The following SCN11A variants were observed in gnomAD, a reference collection of about 807,000 sequenced individuals.
SCN11A encodes the protein sodium voltage-gated channel alpha subunit 11.
Under a neutral mutation model 162.2 loss-of-function variants are expected in SCN11A, and 122 were observed. That is an observed-to-expected ratio of 0.75 (90% CI 0.65 to 0.87). The LOEUF (loss-of-function observed/expected upper bound fraction) is 0.87. SCN11A is among the 40% of genes least tolerant of loss of function. The pLI is 0.00. For synonymous variants in SCN11A, 758 were observed against 751.5 expected (o/e 1.01, Z -0.14); for missense variants, 2,015 against 2,181.6 (o/e 0.92, Z 1.52).
intron 2 of SCN11A, among the ~76,000 whole-genome samples, chr3:39,005,446 C>T (rs1458188288): frequency 6.6e-6 from 1 of 152,236 alleles, no homozygotes. Flanking sequence ...CAGGGACCAA[C>T]CTCTTTCCTT....
At chr3:38,993,429 T>A (rs2030516321) in intron 2 of SCN11A, among the ~76,000 whole-genome samples, 1 of 152,216 alleles carries the variant, frequency 6.6e-6, no homozygotes. Flanking sequence ...CTCAGAGTTA[T>A]GCTAGCCTTG....
At chr3:38,876,002 TA>T (rs1168562605) in intron 23 of SCN11A, among the ~76,000 whole-genome samples, 1 of 152,034 alleles carries the variant, frequency 6.6e-6, no homozygotes, top group African/African-American at 2.4e-5. Flanking sequence ...GGTACTGGTA[TA>T]AAAATAGGCA....
chr3:38,871,877 A>G lies in SCN11A; in HGVS notation c.3496-169T>C, dbSNP rs576137065. Among the ~76,000 whole-genome samples the G allele has an allele frequency of 4.6e-5, 7 of 152,216 alleles. No individual in the cohort carries two copies. The South Asian group carries it at 1.5e-3, about 32-fold the overall frequency. ...TGACAAGCCCTGCTCTCAGCTCCCT[A>G]CATAATGGGTCCTCTCTGTTGCCAC... On this transcript the variant is annotated intron_variant, in intron 24 of 29. Coordinates refer to ENST00000302328, the MANE Select transcript of SCN11A (RefSeq NM_001349253.2).
chr3:38,849,131 T>A (rs987683157), intron 29 of SCN11A: 1 of 152,168 alleles, frequency 6.6e-6, no homozygotes, highest in Non-Finnish European at 1.5e-5. Flanking sequence ...TTCCGCAAAG[T>A]GCATGATGCC....
intron 7 of SCN11A, among the ~76,000 whole-genome samples, chr3:38,929,602 C>T (rs2066207388): frequency 6.6e-6 from 1 of 152,170 alleles, no homozygotes; most frequent in South Asian, 2.1e-4. Flanking sequence ...CCTTTCTCTT[C>T]CCTGAATCTT....
At chr3:39,007,629 G>T (rs2031013684) in intron 2 of SCN11A, among the ~76,000 whole-genome samples, 1 of 152,218 alleles carries the variant, frequency 6.6e-6, no homozygotes, top group African/African-American at 2.4e-5. Flanking sequence ...AAAGTTTCCA[G>T]GTTGGGGAAT....
In SCN11A at chr3:38,949,523, A is replaced by G. The variant is rs115716491; in HGVS notation, c.267+573T>C. Among the ~76,000 whole-genome samples, 815 of 152,320 alleles carry G rather than the reference A, an allele frequency of 5.4e-3. 9 individuals are homozygous for G. Among genetic ancestry groups the G allele is most frequent in the African/African-American group, 0.019 (772 of 41,566 alleles). On this transcript the variant is annotated intron_variant, in intron 5 of 29. Transcript: ENST00000302328. ...TGCATCAGTTGTTGGTTTGAGCCCT[A>G]TTAGTCTCATTTAATAGCCTAGAAA...
intron 1 of SCN11A, among the ~76,000 whole-genome samples, chr3:39,045,635 A>C (rs1417070450): frequency 6.6e-6 from 1 of 152,188 alleles, no homozygotes; most frequent in African/African-American, 2.4e-5. Context: ...GTATAAAAAG[A>C]ACATACCTCA....
chr3:38,939,918 T>A (rs980380268), intron 7 of SCN11A, among the ~76,000 whole-genome samples: 11 of 149,844 alleles, frequency 7.3e-5, no homozygotes, highest in Non-Finnish European at 1.3e-4. Flanking sequence ...AAAAAAAAAA[T>A]TTAATACATG....
intron 7 of SCN11A, among the ~76,000 whole-genome samples, chr3:38,944,596 C>A (rs11709207): frequency 6.6e-6 from 1 of 150,934 alleles, no homozygotes; most frequent in East Asian, 2.0e-4. Flanking sequence ...AAAGTGCTGG[C>A]ATTACAGGCA....
intron 2 of SCN11A, among the ~76,000 whole-genome samples, chr3:38,962,004 T>C (rs1553646084): frequency 6.6e-6 from 1 of 152,250 alleles, no homozygotes; most frequent in Non-Finnish European, 1.5e-5. Context: ...TTTCAGGCCT[T>C]AGGTTTAAGT....
At chr3:38,865,590 C>T (rs1244172821) in intron 27 of SCN11A, among the ~76,000 whole-genome samples, 1 of 150,430 alleles carries the variant, frequency 6.6e-6, no homozygotes, top group African/African-American at 2.5e-5. Flanking sequence ...TTGAGAAATG[C>T]CTTTAGTTCA....
Position 38,945,564 on chromosome 3 carries a change from G to A in SCN11A, c.387-52C>T, listed in dbSNP as rs61500208. On this transcript the variant is annotated intron_variant, in intron 6 of 29. Coordinates refer to ENST00000302328, the MANE Select transcript of SCN11A (RefSeq NM_001349253.2). ...TGTTGCAGGATGGCATGCATCATTA[G>A]CTACTGGGTAAGACTGGGGGTGCCC... The A allele has an allele frequency of 3.4e-3, 4,392 of 1,300,908 alleles. 121 individuals are homozygous for A. The African/African-American group carries it at 0.058, about 17-fold the overall frequency. The allele number at this position is 1,300,908 out of a possible 1,614,324, so 80.6% of individuals were successfully genotyped here.
chr3:38,957,029 T>C (rs1175525869), intron 3 of SCN11A, among the ~76,000 whole-genome samples: 2 of 152,186 alleles, frequency 1.3e-5, no homozygotes, highest in Non-Finnish European at 1.5e-5. Flanking sequence ...TCATCTCCCA[T>C]AGGGACAATT....
intron 15 of SCN11A, among the ~76,000 whole-genome samples, chr3:38,904,618 C>T (rs1272031497): frequency 3.3e-5 from 5 of 152,070 alleles, no homozygotes; most frequent in South Asian, 4.1e-4. Flanking sequence ...GCAGGGCAAA[C>T]GAGATGATGC....
At chr3:38,853,678 T>C (rs1190673649) in intron 28 of SCN11A, among the ~76,000 whole-genome samples, 1 of 152,208 alleles carries the variant, frequency 6.6e-6, no homozygotes, top group Non-Finnish European at 1.5e-5. Context: ...GTAAGTAGAC[T>C]GCATTCATCA....
intron 2 of SCN11A, among the ~76,000 whole-genome samples, chr3:38,962,979 C>T (rs1177584916): frequency 2.0e-5 from 3 of 151,400 alleles, no homozygotes; most frequent in African/African-American, 7.3e-5. Flanking sequence ...CAGAAAAAAG[C>T]AAATCAAAAC....
At chr3:39,033,229 C>G (rs1244925003) in intron 1 of SCN11A, among the ~76,000 whole-genome samples, 1 of 151,414 alleles carries the variant, frequency 6.6e-6, no homozygotes, top group Non-Finnish European at 1.5e-5. Flanking sequence ...GATCAAACTT[C>G]AGAGGATGAT....
intron 2 of SCN11A, chr3:39,025,959 A>G (rs2031576533): frequency 6.7e-6 from 1 of 149,892 alleles, no homozygotes; most frequent in African/African-American, 2.4e-5. Context: ...CTAAAGCAGT[A>G]TTTTTGTTGA....
Sources: allele counts gnomAD v4.1 joint callset (sites outside exome capture counted in the v4.1 genomes callset), GRCh38; gene constraint gnomAD v4.1.1; transcripts MANE v1.5; gene names NCBI Gene and HGNC (gene_info 2026-07-23, HGNC 2026-07-21).